Variants in PRKAG2 observed in about 807,000 individuals in gnomAD.
PRKAG2 encodes 5'-AMP-activated protein kinase subunit gamma-2.
PRKAG2 carries 26 observed loss-of-function variants against 69.6 expected under a neutral mutation model. The ratio of observed to expected loss-of-function variants is 0.37; its 90% CI spans 0.27 to 0.52. The LOEUF (loss-of-function observed/expected upper bound fraction) is 0.52, where lower values mean the gene tolerates loss of function less well. Among genes scored for constraint, PRKAG2 ranks in the 20% least tolerant of loss-of-function variants. The pLI is 0.90. For missense variants in PRKAG2, 557 were observed against 740.0 expected (o/e 0.75, Z 2.87); for synonymous variants, 293 against 285.0 (o/e 1.03, Z -0.28).
intron 3 of PRKAG2, among the ~76,000 whole-genome samples, chr7:151,691,644 G>A (rs2727550): frequency 0.63 from 95,735 of 152,058 alleles, 30,622 homozygotes; most frequent in Middle Eastern, 0.75. Context: ...ACCAGCTAAC[G>A]TCTACAAAAA....
intron 3 of PRKAG2, among the ~76,000 whole-genome samples, chr7:151,762,725 T>G (rs556398614): frequency 6.6e-6 from 1 of 152,302 alleles, no homozygotes; most frequent in Admixed American, 6.5e-5. Context: ...GTGTTCAGAA[T>G]TGGACTCAAA....
intron 5 of PRKAG2, among the ~76,000 whole-genome samples, chr7:151,619,053 T>G (rs1820860727): frequency 6.6e-6 from 1 of 152,168 alleles, no homozygotes; most frequent in Non-Finnish European, 1.5e-5. Flanking sequence ...AAGGCAGAGT[T>G]TGCCCAATTA....
At chr7:151,678,656 C>A (rs1249283287) in intron 3 of PRKAG2, among the ~76,000 whole-genome samples, 1 of 152,030 alleles carries the variant, frequency 6.6e-6, no homozygotes, top group Non-Finnish European at 1.5e-5. Flanking sequence ...ACAACAAAGT[C>A]CCAAACTCTT....
chr7:151,688,319 T>C (rs894576864), intron 3 of PRKAG2, among the ~76,000 whole-genome samples: 2 of 152,238 alleles, frequency 1.3e-5, no homozygotes, highest in East Asian at 3.9e-4. Context: ...TTCAGAAATG[T>C]CATTCTAACC....
intron 3 of PRKAG2, among the ~76,000 whole-genome samples, chr7:151,736,923 C>T (rs1490602745): frequency 6.6e-6 from 1 of 152,202 alleles, no homozygotes; most frequent in Non-Finnish European, 1.5e-5. Context: ...CCCCAAGATC[C>T]TGTCGCCAAT....
At chr7:151,848,213 A>T (rs1176693957) in intron 1 of PRKAG2, among the ~76,000 whole-genome samples, 1 of 152,234 alleles carries the variant, frequency 6.6e-6, no homozygotes, top group Non-Finnish European at 1.5e-5. Flanking sequence ...AATATTAAGA[A>T]GTGGGCTTGG....
rs77795112 is a variant in PRKAG2 at position 151,557,909 on chromosome 7, A to AC, written c.1679-678dup. 944 of 977,988 alleles carry AC rather than the reference A, an allele frequency of 9.7e-4. 9 individuals carry two copies. The East Asian group carries it at 0.04, about 41-fold the overall frequency. 60.6% of individuals were successfully genotyped at this position (977,988 alleles called of 1,614,324 possible). The stretch of plus-strand genomic sequence containing the variant: ...AAAAAAACAAAAAAACAAAAAAAAA[A>AC]CCTTTATAAATATTCTGAAGGATAA... On this transcript the variant is annotated intron_variant, in intron 15 of 15. Transcript: ENST00000287878.
rs1405853629 is a variant in PRKAG2 at position 151,836,146 on chromosome 7, G to A, written c.114+40361C>T. On this transcript the variant is annotated intron_variant, in intron 1 of 15. Coordinates refer to ENST00000287878, the MANE Select transcript of PRKAG2 (RefSeq NM_016203.4). This position sits in a 1 kb window ranked among gnomAD's most constrained non-coding sequence, Gnocchi z 4.1. Reference sequence around the variant, plus strand: ...TTCCCATATCCTGAGTTTTGTCTTCGGCCGTGTCTTTGGAGCATTCCTTCC... The same window carrying A: ...TTCCCATATCCTGAGTTTTGTCTTCAGCCGTGTCTTTGGAGCATTCCTTCC... 2.6e-5 allele frequency among the ~76,000 whole-genome samples: 4 copies of A among 152,102 alleles called. No individual in the cohort carries two copies. The highest frequency in any genetic ancestry group is 4.8e-5 in the African/African-American group (2 of 41,408).
At chr7:151,808,598 G>A (rs55793576) in intron 1 of PRKAG2, among the ~76,000 whole-genome samples, 37,530 of 151,810 alleles carry the variant, frequency 0.25, 5,101 homozygotes, top group East Asian at 0.61. Context: ...TTGTTGGGGG[G>A]GCTTGAGGCT....
At chr7:151,750,591 G>A (rs1241451818) in intron 3 of PRKAG2, among the ~76,000 whole-genome samples, 1 of 152,192 alleles carries the variant, frequency 6.6e-6, no homozygotes, top group Non-Finnish European at 1.5e-5. Flanking sequence ...TCTGCTAAGA[G>A]CTGTGGGAAG....
chr7:151,613,779 C>G (rs554318577), intron 5 of PRKAG2, among the ~76,000 whole-genome samples: 86 of 146,444 alleles, frequency 5.9e-4, no homozygotes, highest in Non-Finnish European at 1.1e-3. Context: ...AGGTGTGAGC[C>G]ACTGTGCCCG....
intron 4 of PRKAG2, among the ~76,000 whole-genome samples, chr7:151,650,409 A>T (rs2151392214): frequency 6.6e-6 from 1 of 152,280 alleles, no homozygotes; most frequent in East Asian, 1.9e-4. Context: ...GCATGTTAAG[A>T]TTGGAACCAG....
At chr7:151,825,873 C>G (rs2078894135) in intron 1 of PRKAG2, among the ~76,000 whole-genome samples, 1 of 152,172 alleles carries the variant, frequency 6.6e-6, no homozygotes, top group Non-Finnish European at 1.5e-5. Context: ...TTCTTCACTC[C>G]CTTTCCTGGC....
intron 5 of PRKAG2, among the ~76,000 whole-genome samples, chr7:151,603,605 G>A (rs1290638267): frequency 6.7e-6 from 1 of 148,884 alleles, no homozygotes; most frequent in Non-Finnish European, 1.5e-5. Context: ...GGAGGGACAC[G>A]CTCCGTCCTC....
intron 4 of PRKAG2, among the ~76,000 whole-genome samples, chr7:151,669,882 T>C (rs28485167): frequency 1.1e-4 from 8 of 73,232 alleles, no homozygotes; most frequent in South Asian, 8.4e-4. Flanking sequence ...GCACACACAG[T>C]TGCATGCACA....
chr7:151,861,952 C>T (rs1303373218), intron 1 of PRKAG2, among the ~76,000 whole-genome samples: 1 of 151,588 alleles, frequency 6.6e-6, no homozygotes, highest in Non-Finnish European at 1.5e-5. Flanking sequence ...TGCTCACACA[C>T]AGGACTCTGT....
intron 3 of PRKAG2, among the ~76,000 whole-genome samples, chr7:151,778,483 A>C (rs887061356): frequency 6.6e-6 from 1 of 152,150 alleles, no homozygotes; most frequent in African/African-American, 2.4e-5. Context: ...CTTTATAGCA[A>C]TGCAAAATGG....
chr7:151,768,935 C>T (rs1380655831), intron 3 of PRKAG2, among the ~76,000 whole-genome samples: 1 of 152,252 alleles, frequency 6.6e-6, no homozygotes, highest in African/African-American at 2.4e-5. Flanking sequence ...AATCCAATCC[C>T]CACTTGCAAG....
At chr7:151,837,017 T>C (rs73487756) in intron 1 of PRKAG2, among the ~76,000 whole-genome samples, 2,934 of 151,480 alleles carry the variant, frequency 0.019, 92 homozygotes, top group African/African-American at 0.067. Context: ...CCCGGTTACC[T>C]CCAGCTCAGC....
Sources: allele counts gnomAD v4.1 joint callset (sites outside exome capture counted in the v4.1 genomes callset), GRCh38; gene constraint gnomAD v4.1.1; non-coding constraint Gnocchi (gnomAD v3.1); transcripts MANE v1.5; gene names NCBI Gene and HGNC (gene_info 2026-07-23, HGNC 2026-07-21).